The following NRG1 variants were observed in gnomAD, a reference collection of about 807,000 sequenced individuals.
NRG1 encodes the protein neuregulin 1.
In NRG1, 18 loss-of-function variants were observed where a neutral mutation model predicts 63.8. The ratio of observed to expected loss-of-function variants is 0.28; its 90% CI spans 0.19 to 0.42. NRG1 has a LOEUF of 0.42. Among genes scored for constraint, NRG1 ranks in the 10% least tolerant of loss-of-function variants. The pLI is 1.00. For missense variants in NRG1, 762 were observed against 814.7 expected (o/e 0.94, Z 0.79); for synonymous variants, 302 against 301.3 (o/e 1.00, Z -0.02).
At chr8:32,066,420 C>A (rs193042357) in intron 1 of NRG1, among the ~76,000 whole-genome samples, 2 of 152,278 alleles carry the variant, frequency 1.3e-5, no homozygotes, top group African/African-American at 4.8e-5. Flanking sequence ...GCCAGTTTTC[C>A]CAGCACCATT....
chr8:32,174,191 CA>C (rs1355635744), intron 1 of NRG1, among the ~76,000 whole-genome samples: 1 of 152,074 alleles, frequency 6.6e-6, no homozygotes, highest in Admixed American at 6.6e-5. Flanking sequence ...GAAACTCACT[CA>C]AAACCGCTCA....
In NRG1 at chr8:32,551,674, A is replaced by G. The variant is rs574100627; in HGVS notation, c.100+2848A>G. Among the ~76,000 whole-genome samples, 11 of 152,316 alleles carry G rather than the reference A, an allele frequency of 7.2e-5. No homozygotes were observed. In the South Asian group the frequency reaches 2.3e-3, roughly 32 times the overall value. ...GGGGCTGCAGATGTTCAACACAATT[A>G]TCTATTCCATAATAATAGCTCTAAT... On this transcript the variant is annotated intron_variant, in intron 1 of 11. Coordinates refer to ENST00000356819, the Ensembl canonical transcript of NRG1.
At chr8:32,210,330 A>G (rs1277059402) in intron 1 of NRG1, among the ~76,000 whole-genome samples, 1 of 152,214 alleles carries the variant, frequency 6.6e-6, no homozygotes, top group Non-Finnish European at 1.5e-5. Flanking sequence ...CAGCAGAGCA[A>G]TGGCATCATC....
chr8:31,973,435 G>A (rs1157547915), intron 1 of NRG1, among the ~76,000 whole-genome samples: 1 of 152,152 alleles, frequency 6.6e-6, no homozygotes, highest in African/African-American at 2.4e-5. Flanking sequence ...ACTGAAGCCT[G>A]GGATTTATTC....
At chr8:31,682,638 A>C (rs547626225) in intron 1 of NRG1, among the ~76,000 whole-genome samples, 1 of 152,214 alleles carries the variant, frequency 6.6e-6, no homozygotes, top group East Asian at 1.9e-4. Context: ...ATTTTTTTTC[A>C]AACCAAAATG....
At chr8:32,484,816 A>C (rs1252239718) in intron 1 of NRG1, among the ~76,000 whole-genome samples, 2 of 152,192 alleles carry the variant, frequency 1.3e-5, no homozygotes, top group Non-Finnish European at 2.9e-5. Context: ...TTTCATGTTT[A>C]GAGAATAATG....
intron 1 of NRG1, among the ~76,000 whole-genome samples, chr8:31,922,337 T>C (rs1833988014): frequency 6.6e-6 from 1 of 152,112 alleles, no homozygotes; most frequent in South Asian, 2.1e-4. Flanking sequence ...CCCACCATGA[T>C]TGTTTTCAGG....
intron 1 of NRG1, among the ~76,000 whole-genome samples, chr8:32,577,940 C>G (rs959312470): frequency 5.9e-5 from 9 of 152,274 alleles, no homozygotes; most frequent in African/African-American, 1.9e-4. Flanking sequence ...CCAGCCACCA[C>G]TTGCAGTAAG....
intron 1 of NRG1, among the ~76,000 whole-genome samples, chr8:32,222,291 TCTTTTTGTTTTTCA>T (rs1270477528): frequency 6.6e-6 from 1 of 152,222 alleles, no homozygotes; most frequent in Non-Finnish European, 1.5e-5. Flanking sequence ...CTTGTTTTTT[TCTTTTTGTTTTTCA>T]CTTACTCTCT....
rs1160564019 is a variant in NRG1 at position 31,640,227 on chromosome 8, G to A, written c.37+796G>A. The A allele has an allele frequency of 4.3e-6, 5 of 1,160,664 alleles. No individual in the cohort carries two copies. The East Asian group carries it at 1.5e-4, about 36-fold the overall frequency. 71.9% of individuals were successfully genotyped at this position (1,160,664 alleles called of 1,614,324 possible). A position where few individuals can be genotyped will look rare whatever the true frequency, so the allele number is the denominator to read the frequency against. On this transcript the variant is annotated intron_variant, in intron 1 of 10. Coordinates refer to the NRG1 transcript ENST00000519301. The surrounding 1 kb of genome is among the most constrained non-coding windows in gnomAD (Gnocchi z 6.3). ...AGGAGCTAGCTCAGCGCGCCGCGGT[G>A]GTGATCGAGGGAAAGGTGCACCCGC...
exon 1 of NRG1, chr8:31,639,335 G>A: frequency 1.3e-6 from 2 of 1,530,864 alleles, no homozygotes; most frequent in Non-Finnish European, 1.7e-6. Flanking sequence ...GAGGAGGCGC[G>A]CGGGGACGGG....
intron 1 of NRG1, among the ~76,000 whole-genome samples, chr8:32,477,029 A>G (rs1264077659): frequency 1.3e-5 from 2 of 152,200 alleles, no homozygotes; most frequent in African/African-American, 4.8e-5. Flanking sequence ...TAGATCAAAG[A>G]AGCCGATGAG....
chr8:32,250,549 T>C (rs943214699), intron 1 of NRG1, among the ~76,000 whole-genome samples: 2 of 81,128 alleles, frequency 2.5e-5, no homozygotes, highest in African/African-American at 1.1e-4. Flanking sequence ...AGCTGTTCTA[T>C]TTCATTTTTT....
chr8:31,740,142 A>G (rs560353894), intron 1 of NRG1, among the ~76,000 whole-genome samples: 1 of 151,940 alleles, frequency 6.6e-6, no homozygotes, highest in Non-Finnish European at 1.5e-5. Flanking sequence ...CTTTTTTTAT[A>G]TGTATTAGGC....
intron 1 of NRG1, among the ~76,000 whole-genome samples, chr8:32,022,098 T>C (rs1353055134): frequency 1.3e-5 from 2 of 152,156 alleles, no homozygotes; most frequent in Non-Finnish European, 2.9e-5. Context: ...ACTATACCTT[T>C]ATAAATTCTT....
chr8:31,764,712 A>G (rs1399059357), intron 1 of NRG1, among the ~76,000 whole-genome samples: 2 of 152,148 alleles, frequency 1.3e-5, no homozygotes, highest in Admixed American at 6.6e-5. Flanking sequence ...TGAACACAAT[A>G]TGTATCCTCA....
intron 5 of NRG1, among the ~76,000 whole-genome samples, chr8:32,634,090 A>T (rs1850839757): frequency 6.8e-6 from 1 of 147,004 alleles, no homozygotes. Context: ...GCTGAGCAAG[A>T]TCTTGTCTTA....
At chr8:32,263,479 C>T (rs1850599455) in intron 1 of NRG1, among the ~76,000 whole-genome samples, 1 of 152,308 alleles carries the variant, frequency 6.6e-6, no homozygotes, top group Non-Finnish European at 1.5e-5. Flanking sequence ...GCCCCCCATC[C>T]TGCTCCCATT....
chr8:32,350,176 A>G (rs1805421490), intron 1 of NRG1, among the ~76,000 whole-genome samples: 1 of 152,202 alleles, frequency 6.6e-6, no homozygotes, highest in African/African-American at 2.4e-5. Flanking sequence ...ATGTGGTTGC[A>G]GTGGACATGG....
Sources: allele counts gnomAD v4.1 joint callset (sites outside exome capture counted in the v4.1 genomes callset), GRCh38; gene constraint gnomAD v4.1.1; non-coding constraint Gnocchi (gnomAD v3.1); transcripts MANE v1.5; gene names NCBI Gene and HGNC (gene_info 2026-07-23, HGNC 2026-07-21).